Variants in FAT4 observed in about 807,000 individuals in gnomAD.
FAT4 encodes FAT atypical cadherin 4.
Under a neutral mutation model 303.9 loss-of-function variants are expected in FAT4, and 84 were observed. The observed-to-expected ratio is 0.28, with a 90% CI of 0.23 to 0.33. The LOEUF (loss-of-function observed/expected upper bound fraction) is 0.33, where lower values mean the gene tolerates loss of function less well. Ranked by LOEUF, FAT4 falls within the 10% of genes least tolerant of loss-of-function variation. The pLI is 1.00. For missense variants in FAT4, 6,005 were observed against 6,146.8 expected (o/e 0.98, Z 0.77); for synonymous variants, 2,307 against 2,298.8 (o/e 1.00, Z -0.10).
intron 5 of FAT4, among the ~76,000 whole-genome samples, chr4:125,409,600 C>T (rs1030589559): frequency 1.2e-4 from 19 of 152,148 alleles, no homozygotes; most frequent in Admixed American, 6.6e-4. Context: ...CTCGAACAGT[C>T]TCAGATCTGT....
At chr4:125,352,299 G>T (rs558742228) in intron 2 of FAT4, among the ~76,000 whole-genome samples, 1 of 151,508 alleles carries the variant, frequency 6.6e-6, no homozygotes, top group African/African-American at 2.4e-5. Context: ...AAAACCTCAA[G>T]GGCCAGGGAA....
chr4:125,478,491 G>A (rs1444516922), intron 14 of FAT4, among the ~76,000 whole-genome samples: 1 of 151,778 alleles, frequency 6.6e-6, no homozygotes, highest in African/African-American at 2.4e-5. Context: ...TAACTCCTCT[G>A]TTTCTGTTAG....
chr4:125,321,690 A>C, intron 2 of FAT4, 104 bp downstream of exon 2: 14 of 1,181,730 alleles, frequency 1.2e-5, no homozygotes, highest in Non-Finnish European at 1.6e-5. Flanking sequence ...GTTTATTGTT[A>C]AATTTGTGAA....
At chr4:125,419,893 T>G (rs948933211) in intron 7 of FAT4, among the ~76,000 whole-genome samples, 8 of 152,246 alleles carry the variant, frequency 5.3e-5, no homozygotes, top group Non-Finnish European at 8.8e-5. Context: ...AAACATTTAC[T>G]GAATACTGCC....
intron 2 of FAT4, among the ~76,000 whole-genome samples, chr4:125,334,314 T>C (rs1295928535): frequency 6.6e-6 from 1 of 152,064 alleles, no homozygotes; most frequent in Non-Finnish European, 1.5e-5. Context: ...TTCTTGCTCT[T>C]TCCCACATGC....
intron 17 of FAT4, among the ~76,000 whole-genome samples, chr4:125,489,472 C>G (rs1415426421): frequency 6.6e-6 from 1 of 152,116 alleles, no homozygotes; most frequent in Non-Finnish European, 1.5e-5. Context: ...AATGGGAATG[C>G]ATGATTTAGT....
At chr4:125,352,762 C>T (rs775865779) in intron 2 of FAT4, among the ~76,000 whole-genome samples, 26 of 143,296 alleles carry the variant, frequency 1.8e-4, no homozygotes, top group Non-Finnish European at 2.8e-4. Flanking sequence ...ATACATTGCC[C>T]TTTTCTGAAA....
chr4:125,340,979 A>AATGTGTT (rs1325764374), intron 2 of FAT4, among the ~76,000 whole-genome samples: 1 of 152,182 alleles, frequency 6.6e-6, no homozygotes, highest in African/African-American at 2.4e-5. Flanking sequence ...AGTTTGTGTA[A>AATGTGTT]ATGTGTTATG....
chr4:125,489,357 T>C (rs1727523548), intron 17 of FAT4, among the ~76,000 whole-genome samples: 1 of 152,182 alleles, frequency 6.6e-6, no homozygotes, highest in South Asian at 2.1e-4. Context: ...AGAGGTATGT[T>C]TTTATCTGCC....
intron 2 of FAT4, among the ~76,000 whole-genome samples, chr4:125,395,800 G>T (rs958643577): frequency 3.9e-5 from 6 of 151,950 alleles, no homozygotes; most frequent in African/African-American, 1.5e-4. Flanking sequence ...CATTCAAAAA[G>T]GTGTCGTTTT....
chr4:125,316,513 T>C lies in FAT4; in HGVS notation c.102T>C (p.Leu34=), dbSNP rs778911141. The change falls in exon 2 of 18, where the codon CTT becomes CTC. Residue 34 remains leucine (L), a synonymous_variant. Transcript: ENST00000394329. This position sits in a 1 kb window ranked among gnomAD's most constrained non-coding sequence, Gnocchi z 5.7. ...GAGTGTTTTGGCTACTGTCATTGCT[T>C]CCGGGGCAGGCCTGGGTCCACGGGG... ...LLRVFWLLSL[L]PGQAWVHGAE... The C allele has an allele frequency of 6.2e-7, 1 of 1,613,968 alleles. No individual in the cohort carries two copies. Among genetic ancestry groups the C allele is most frequent in the Non-Finnish European group, 8.5e-7 (1 of 1,180,022 alleles).
intron 3 of FAT4, among the ~76,000 whole-genome samples, chr4:125,401,152 AT>A (rs1734373693): frequency 6.6e-6 from 1 of 151,974 alleles, no homozygotes; most frequent in South Asian, 2.1e-4. Context: ...TCTTAAATGC[AT>A]TTTTCTCTTA....
intron 2 of FAT4, among the ~76,000 whole-genome samples, chr4:125,333,221 A>C (rs1203926560): frequency 6.6e-6 from 1 of 152,064 alleles, no homozygotes. Context: ...AAGCAAGATC[A>C]GATATGTAAG....
chr4:125,480,054 T>A (rs1323891515), intron 15 of FAT4, among the ~76,000 whole-genome samples, 189 bp downstream of exon 15: 1 of 152,172 alleles, frequency 6.6e-6, no homozygotes, highest in Non-Finnish European at 1.5e-5. Context: ...AAGAATGATA[T>A]CCTTTTAAAA....
chr4:125,484,060 TACACAC>T (rs34883833), intron 16 of FAT4, among the ~76,000 whole-genome samples: 6,590 of 138,158 alleles, frequency 0.048, 192 homozygotes, highest in African/African-American at 0.096. Flanking sequence ...CAGACACACA[TACACAC>T]ACACACACAC....
chr4:125,351,488 T>C (rs931001772), intron 2 of FAT4, among the ~76,000 whole-genome samples: 3 of 151,790 alleles, frequency 2.0e-5, no homozygotes, highest in Admixed American at 1.3e-4. Context: ...AAGAAATTAT[T>C]TTTTTCTAGT....
intron 3 of FAT4, among the ~76,000 whole-genome samples, chr4:125,404,219 G>A (rs1734498685): frequency 6.6e-6 from 1 of 152,056 alleles, no homozygotes; most frequent in Admixed American, 6.6e-5. Context: ...AACTGTTTCA[G>A]CAACTTGGGG....
chr4:125,452,825 G>A lies in FAT4; in HGVS notation c.11800+15G>A, dbSNP rs1390946324. ...TGGATACACAGGTATGACAACGTTT[G>A]TACTTTTCTCACTAAGACTTTAGCC... On this transcript the variant is annotated intron_variant, in intron 10 of 17. Transcript: ENST00000394329. 6.3e-7 allele frequency: 1 copy of A among 1,580,972 alleles called. No individual in the cohort carries two copies. The highest frequency in any genetic ancestry group is 8.6e-7 in the Non-Finnish European group (1 of 1,163,748).
Position 125,481,790 on chromosome 4 carries a change from G to A in FAT4, c.12822+52G>A, listed in dbSNP as rs1359333365. 6 of 1,511,214 alleles carry A rather than the reference G, an allele frequency of 4.0e-6. No homozygotes were observed. The Admixed American group carries it at 1.0e-4, about 26-fold the overall frequency. The allele number at this position is 1,511,214 out of a possible 1,614,324, so 93.6% of individuals were successfully genotyped here. A position where few individuals can be genotyped will look rare whatever the true frequency, so the allele number is the denominator to read the frequency against. On this transcript the variant is annotated intron_variant, in intron 16 of 17. Transcript: ENST00000394329. ...ATTTGATTAGACCGCCTGCCGTGTA[G>A]TGGTTTAAATCACTTCCCCCATAAT...
Sources: allele counts gnomAD v4.1 joint callset (sites outside exome capture counted in the v4.1 genomes callset), GRCh38; gene constraint gnomAD v4.1.1; non-coding constraint Gnocchi (gnomAD v3.1); transcripts MANE v1.5; gene names NCBI Gene and HGNC (gene_info 2026-07-23, HGNC 2026-07-21).